Variants in ZNF609 observed in about 807,000 individuals in gnomAD.
The protein encoded by ZNF609 is zinc finger protein 609.
A neutral mutation model predicts 109.5 loss-of-function variants in ZNF609; 11 were observed. That is an observed-to-expected ratio of 0.10 (90% confidence interval 0.06 to 0.17). ZNF609 has a LOEUF of 0.17. Ranked by LOEUF, ZNF609 falls within the 10% of genes least tolerant of loss-of-function variation. The probability of loss-of-function intolerance (pLI) is 1.00; values close to 1 mark genes in which losing one functional copy is unlikely to be tolerated. For missense variants in ZNF609, 1,559 were observed against 1,772.4 expected (o/e 0.88, Z 2.16); for synonymous variants, 646 against 662.0 (o/e 0.98, Z 0.37).
At chr15:64,642,984 T>C (rs1896285620) in intron 3 of ZNF609, among the ~76,000 whole-genome samples, 1 of 152,362 alleles carries the variant, frequency 6.6e-6, no homozygotes, top group Non-Finnish European at 1.5e-5. Flanking sequence ...TGAATATATT[T>C]ACCCTTTCTC....
rs781667140 is a variant in ZNF609 at position 64,497,802 on chromosome 15, G to A, written c.-127-1491G>A. 6.6e-5 allele frequency among the ~76,000 whole-genome samples: 10 copies of A among 151,744 alleles called. 1 individual carries two copies. The highest frequency in any genetic ancestry group is 1.5e-4 in the Non-Finnish European group (10 of 67,966). On this transcript the variant is annotated intron_variant, in intron 1 of 9. Coordinates refer to ENST00000326648, the MANE Select transcript of ZNF609 (RefSeq NM_015042.2). ...TGTAATCCCAACCTCTTGGGAGGCT[G>A]AGGTGGGAGAATTGCTTGAACCCGG...
At chr15:64,525,621 T>C (rs1368970653) in intron 2 of ZNF609, among the ~76,000 whole-genome samples, 5 of 152,222 alleles carry the variant, frequency 3.3e-5, no homozygotes, top group Admixed American at 2.0e-4. Context: ...GGCTAGGATT[T>C]TGATGGAGAT....
rs1456689551 is a variant in ZNF609, at chr15:64,675,544, G to A, written c.2690G>A (p.Ser897Asn). 2 of 1,614,066 alleles carry A rather than the reference G, an allele frequency of 1.2e-6. No homozygotes were observed. The highest frequency in any genetic ancestry group is 2.7e-5 in the African/African-American group (2 of 74,922). ...TCACCATATTACCAAGGCTTTGAGA[G>A]TTACTATTCTCCAAGTTATGCACAG... ...KDSPYYQGFESYYSPSYAQSS... is the reference protein window; with the variant it reads ...KDSPYYQGFENYYSPSYAQSS... The change falls in exon 5 of 10, where the codon AGT becomes AAT. Residue 897 changes from serine to asparagine, a missense_variant. Around this residue, in one of 4 missense-constraint regions of ZNF609, gnomAD observed 1,204 missense variants for 1,314.1 expected, o/e 0.92. Coordinates refer to ENST00000326648, the MANE Select transcript of ZNF609 (RefSeq NM_015042.2).
chr15:64,549,359 C>CT (rs1340117698), intron 2 of ZNF609, among the ~76,000 whole-genome samples: 5 of 151,988 alleles, frequency 3.3e-5, no homozygotes, highest in African/African-American at 9.7e-5. Flanking sequence ...CCCGGCTAAT[C>CT]TTTTTTTGTA....
At chr15:64,623,371 T>C (rs1379775823) in intron 3 of ZNF609, among the ~76,000 whole-genome samples, 1 of 152,102 alleles carries the variant, frequency 6.6e-6, no homozygotes, top group Non-Finnish European at 1.5e-5. Context: ...TAAATTAAAT[T>C]TGAGGTCAGG....
intron 3 of ZNF609, among the ~76,000 whole-genome samples, chr15:64,647,630 A>G (rs192957183): frequency 1.4e-4 from 21 of 152,340 alleles, no homozygotes; most frequent in African/African-American, 4.8e-4. Flanking sequence ...ATGACCTTCT[A>G]TAACATTTTA....
intron 2 of ZNF609, among the ~76,000 whole-genome samples, chr15:64,515,237 T>C (rs1479155248): frequency 1.3e-5 from 2 of 152,338 alleles, no homozygotes; most frequent in East Asian, 3.9e-4. Context: ...TTGCTGTTAC[T>C]GCCTAGAGAT....
intron 2 of ZNF609, among the ~76,000 whole-genome samples, chr15:64,567,153 T>G (rs1370646137): frequency 6.6e-6 from 1 of 152,114 alleles, no homozygotes; most frequent in Non-Finnish European, 1.5e-5. Flanking sequence ...TTTATATTCT[T>G]TCAGTGGGGA....
chr15:64,649,294 C>T (rs1014313926), intron 3 of ZNF609, among the ~76,000 whole-genome samples: 1 of 152,056 alleles, frequency 6.6e-6, no homozygotes, highest in African/African-American at 2.4e-5. Flanking sequence ...AGGATGTTGT[C>T]AGTTAGGCTT....
chr15:64,465,176 TG>T (rs1282635247), intron 1 of ZNF609, among the ~76,000 whole-genome samples: 3 of 152,196 alleles, frequency 2.0e-5, no homozygotes, highest in Admixed American at 6.5e-5. Context: ...GAAAATTTCT[TG>T]CTTTCAGTAT....
At chr15:64,480,511 A>G (rs1370784568) in intron 1 of ZNF609, among the ~76,000 whole-genome samples, 1 of 151,938 alleles carries the variant, frequency 6.6e-6, no homozygotes, top group East Asian at 1.9e-4. Context: ...AGCCTGCACA[A>G]CAAGAGTGAG....
intron 3 of ZNF609, among the ~76,000 whole-genome samples, chr15:64,628,662 C>G (rs1896014144): frequency 6.6e-6 from 1 of 152,112 alleles, no homozygotes; most frequent in Non-Finnish European, 1.5e-5. Context: ...TTTCTCTCTT[C>G]TTGCCCAGGC....
At chr15:64,513,899 C>G (rs1257401227) in intron 2 of ZNF609, among the ~76,000 whole-genome samples, 1 of 151,970 alleles carries the variant, frequency 6.6e-6, no homozygotes. Flanking sequence ...CAAGACCAGC[C>G]TGAGCAACAT....
At chr15:64,475,321 T>C (rs1893153832) in intron 1 of ZNF609, among the ~76,000 whole-genome samples, 1 of 151,876 alleles carries the variant, frequency 6.6e-6, no homozygotes, top group African/African-American at 2.4e-5. Flanking sequence ...ATCTCCAGAA[T>C]TGATTTCATC....
intron 2 of ZNF609, among the ~76,000 whole-genome samples, chr15:64,580,656 C>T (rs569882599): frequency 6.6e-6 from 1 of 151,882 alleles, no homozygotes; most frequent in Admixed American, 6.6e-5. Context: ...ATTCTCCTGC[C>T]TCAGCCTCCC....
intron 3 of ZNF609, among the ~76,000 whole-genome samples, chr15:64,663,647 A>G (rs1896609757): frequency 1.3e-5 from 2 of 152,078 alleles, no homozygotes; most frequent in Admixed American, 6.6e-5. Context: ...TAGGAGGAAA[A>G]CCAGGAGAGT....
intron 1 of ZNF609, among the ~76,000 whole-genome samples, chr15:64,496,466 A>G (rs2140348211): frequency 6.6e-6 from 1 of 152,334 alleles, no homozygotes. Context: ...TTAGAGAACT[A>G]AAAAATTATG....
chr15:64,674,374 A>G lies in ZNF609; in HGVS notation c.1520A>G (p.Lys507Arg), dbSNP rs563910758. The G allele has an allele frequency of 3.1e-6, 5 of 1,614,192 alleles. No individual in the cohort carries two copies. In the South Asian group the frequency reaches 3.3e-5, roughly 11 times the overall value. ...CACCCAAACTGCAACAAGAAGTACA[A>G]GCACATCAATGGACTTAAGTACCAC... ...CPHPNCNKKY[K>R]HINGLKYHQA... is the part of the protein sequence containing the mutation. Residue 507 changes from lysine to arginine, a missense_variant, in exon 5 of 10, where the codon AAG (lysine) becomes AGG (arginine). Physicochemically the swap from Lys to Arg is conservative, Grantham distance 26. This residue lies in a region of ZNF609 where 1,204 missense variants were observed against 1,314.1 expected (regional missense o/e 0.92). Transcript: ENST00000326648.
rs553397431 is a variant in ZNF609, at chr15:64,594,404, C to T, written c.748-28423C>T. ...CTGGAGTGCAGTGGTGTGATCTCAG[C>T]TCACTGCAACCTCCACCTCCTGAGC... On this transcript the variant is annotated intron_variant, in intron 2 of 9. Coordinates refer to ENST00000326648, the MANE Select transcript of ZNF609 (RefSeq NM_015042.2). 3.3e-5 allele frequency among the ~76,000 whole-genome samples: 5 copies of T among 151,732 alleles called. 1 individual carries two copies. The East Asian group carries it at 9.7e-4, about 30-fold the overall frequency.
Sources: allele counts gnomAD v4.1 joint callset (sites outside exome capture counted in the v4.1 genomes callset), GRCh38; gene constraint gnomAD v4.1.1; regional missense constraint gnomAD v4.1.1; transcripts MANE v1.5; gene names NCBI Gene and HGNC (gene_info 2026-07-23, HGNC 2026-07-21).